ARHGAP8: variants seen among roughly 807,000 people sequenced by gnomAD.
ARHGAP8 encodes rho GTPase-activating protein 8.
A neutral mutation model predicts 46.1 loss-of-function variants in ARHGAP8; 62 were observed. The observed-to-expected ratio is 1.34, with a 90% CI of 1.10 to 1.66. ARHGAP8 has a LOEUF of 1.66. Among genes scored for constraint, ARHGAP8 ranks in the 40% most tolerant of loss-of-function variants. ARHGAP8 has a pLI of 0.00. For missense variants in ARHGAP8, 923 were observed against 568.4 expected, an observed-to-expected ratio of 1.62 and a Z score of -6.34; for synonymous variants, 375 against 243.1, an observed-to-expected ratio of 1.54 and a Z score of -5.05.
At chr22:44,806,682 C>T (rs955216151) in intron 3 of ARHGAP8, among the ~76,000 whole-genome samples, 4 of 152,022 alleles carry the variant, frequency 2.6e-5, no homozygotes, top group African/African-American at 7.2e-5. Flanking sequence ...AGGCCGGGCA[C>T]GGTGGCTCAT....
intron 10 of ARHGAP8, among the ~76,000 whole-genome samples, chr22:44,855,024 ATGTT>A (rs989966016): frequency 6.6e-6 from 1 of 152,168 alleles, no homozygotes; most frequent in Non-Finnish European, 1.5e-5. Context: ...CTTGAAAAGA[ATGTT>A]TGGCTTAGTT....
intron 2 of ARHGAP8, among the ~76,000 whole-genome samples, chr22:44,787,009 A>G (rs1927289615): frequency 7.0e-6 from 1 of 142,038 alleles, no homozygotes; most frequent in Admixed American, 7.5e-5. Context: ...ACAGAGTGAC[A>G]GAGTGGTGAG....
intron 1 of ARHGAP8, among the ~76,000 whole-genome samples, chr22:44,780,003 C>G (rs868419050): frequency 1.7e-4 from 26 of 152,180 alleles, no homozygotes; most frequent in African/African-American, 5.1e-4. Flanking sequence ...GACCCCCAGG[C>G]TGGGACCCCA....
At position 44,848,025 on chromosome 22, in the gene ARHGAP8, C is replaced by T. The variant is rs1328814154; in HGVS notation, c.723C>T (p.Arg241=). 2 of 1,607,656 alleles carry T rather than the reference C, an allele frequency of 1.2e-6. No individual in the cohort carries two copies. The highest frequency in any genetic ancestry group is 1.1e-5 in the South Asian group (1 of 91,078). ...GATCCGCCAGCGTGCAGACCGTCCGCGAGATCCAGAGGCTCTACAACCAAG... is the reference window on the plus strand; with the variant it reads ...GATCCGCCAGCGTGCAGACCGTCCGTGAGATCCAGAGGCTCTACAACCAAG... ...FRRSASVQTV[R]EIQRLYNQGK... Residue 241 remains arginine (R), a synonymous_variant, in exon 9 of 12, where the codon CGC becomes CGT. Coordinates refer to ENST00000356099, the MANE Select transcript of ARHGAP8 (RefSeq NM_181335.3).
chr22:44,792,011 T>TTCTA (rs918488926), intron 2 of ARHGAP8, among the ~76,000 whole-genome samples: 12 of 134,306 alleles, frequency 8.9e-5, no homozygotes, highest in African/African-American at 3.6e-4. Flanking sequence ...TTTTTCTTCT[T>TTCTA]TCTTTCTTTC....
In ARHGAP8 at chr22:44,830,283, C is replaced by G. The variant is rs541843280; in HGVS notation, c.596+4690C>G. Among the ~76,000 whole-genome samples, 3 of 152,160 alleles carry G rather than the reference C, an allele frequency of 2.0e-5. No homozygotes were observed. The South Asian group carries it at 6.2e-4, about 32-fold the overall frequency. ...AGGTGATCCACCCGCCTCAGCTTCC[C>G]AAAGTGCTGTGATTACAGGCGTGAG... On this transcript the variant is annotated intron_variant, in intron 7 of 11. Coordinates refer to ENST00000356099, the MANE Select transcript of ARHGAP8 (RefSeq NM_181335.3).
rs1245581368 is a variant in ARHGAP8 at position 44,788,056 on chromosome 22, T to C, written c.79+1450T>C. Among the ~76,000 whole-genome samples the C allele has an allele frequency of 2.7e-5, 4 of 149,658 alleles. No homozygotes were observed. The South Asian group carries it at 6.2e-4, about 23-fold the overall frequency. On this transcript the variant is annotated intron_variant, in intron 2 of 11. Transcript: ENST00000356099. ...GCCAACAGAAGGAAGGCAGGAAATA[T>C]ATATTTTTAATTTATATAGTGTTTA... is the stretch of plus-strand genomic sequence containing the variant.
chr22:44,772,223 C>CTTTTTTTTTTTTTTTTT (rs71188484), intron 1 of ARHGAP8, among the ~76,000 whole-genome samples: 3 of 16,428 alleles, frequency 1.8e-4, no homozygotes, highest in African/African-American at 2.4e-4. Flanking sequence ...ACTGTTTTGC[C>CTTTTTTTTTTTTTTTTT]TTTTTTTTTT....
At chr22:44,772,824 T>C (rs1386232075) in intron 1 of ARHGAP8, among the ~76,000 whole-genome samples, 1 of 149,224 alleles carries the variant, frequency 6.7e-6, no homozygotes, top group Admixed American at 6.7e-5. Context: ...TTTTTTTTTT[T>C]TTTTTGAGAC....
chr22:44,800,040 G>GATGGTCTGCAGGCACGGAGC (rs1276924487), intron 2 of ARHGAP8, among the ~76,000 whole-genome samples: 2 of 151,958 alleles, frequency 1.3e-5, no homozygotes, highest in Non-Finnish European at 2.9e-5. Flanking sequence ...AGGCACGGAG[G>GATGGTCTGCAGGCACGGAGC]ATGGTCTGCA....
chr22:44,784,215 C>T (rs969027857), intron 1 of ARHGAP8, among the ~76,000 whole-genome samples: 27 of 152,068 alleles, frequency 1.8e-4, no homozygotes, highest in African/African-American at 6.0e-4. Context: ...ACCAGTCTGG[C>T]CAACATGGTG....
At chr22:44,835,665 A>G (rs756880853) in intron 7 of ARHGAP8, among the ~76,000 whole-genome samples, 9 of 152,064 alleles carry the variant, frequency 5.9e-5, no homozygotes, top group Admixed American at 1.3e-4. Flanking sequence ...AGAGAATACA[A>G]CTTTTGGGTG....
At chr22:44,782,640 A>C (rs1322285265) in intron 1 of ARHGAP8, among the ~76,000 whole-genome samples, 1 of 152,144 alleles carries the variant, frequency 6.6e-6, no homozygotes, top group Non-Finnish European at 1.5e-5. Flanking sequence ...GAGCGGTTTC[A>C]AGTTCCTCTA....
chr22:44,820,591 T>C (rs1383070824), intron 5 of ARHGAP8, among the ~76,000 whole-genome samples: 2 of 152,086 alleles, frequency 1.3e-5, no homozygotes, highest in African/African-American at 4.8e-5. Flanking sequence ...CTCCGGGGGC[T>C]GGGGTGCAGG....
intron 1 of ARHGAP8, among the ~76,000 whole-genome samples, chr22:44,780,164 T>C (rs182791876): frequency 2.0e-5 from 3 of 152,264 alleles, no homozygotes; most frequent in Admixed American, 2.0e-4. Context: ...AGATAATATA[T>C]TCATGTGGCT....
chr22:44,763,779 G>A (rs1056070446), intron 1 of ARHGAP8, among the ~76,000 whole-genome samples: 1 of 149,484 alleles, frequency 6.7e-6, no homozygotes, highest in Non-Finnish European at 1.5e-5. Context: ...GTTTATTGGT[G>A]AGAATGATTT....
At position 44,808,454 on chromosome 22, in the gene ARHGAP8, C is replaced by T; in HGVS notation, c.299+16C>T. 1 of 1,613,052 alleles carries T rather than the reference C, an allele frequency of 6.2e-7. No homozygotes were observed. Among genetic ancestry groups the T allele is most frequent in the Non-Finnish European group, 8.5e-7 (1 of 1,179,546 alleles). On this transcript the variant is annotated intron_variant, in intron 4 of 11. Coordinates refer to ENST00000356099, the MANE Select transcript of ARHGAP8 (RefSeq NM_181335.3). ...TCGATAGGAAGTACGTGCCCGCAAG[C>T]CTTCAGGGACGTGGGTGTGGGCTGC...
intron 1 of ARHGAP8, among the ~76,000 whole-genome samples, chr22:44,772,897 C>A (rs79310070): frequency 1.4e-5 from 2 of 147,798 alleles, no homozygotes; most frequent in African/African-American, 5.0e-5. Context: ...TGTCTCATTG[C>A]AGCCCTGACC....
chr22:44,758,416 T>C (rs968321865), intron 1 of ARHGAP8, among the ~76,000 whole-genome samples: 23 of 152,132 alleles, frequency 1.5e-4, no homozygotes, highest in African/African-American at 5.6e-4. Context: ...AGTGAGATTC[T>C]GTCTCAAAGA....
Sources: gnomAD v4.1 joint callset for allele counts (sites outside exome capture counted in the v4.1 genomes callset) on GRCh38, gnomAD v4.1.1 for gene constraint, MANE v1.5 for transcripts, NCBI Gene and HGNC (gene_info 2026-07-23, HGNC 2026-07-21) for gene names.